Variants in CSMD1 observed in about 807,000 individuals in gnomAD.
CSMD1 encodes the protein CUB and sushi domain-containing protein 1.
Under a neutral mutation model 417.5 loss-of-function variants are expected in CSMD1, and 213 were observed. The observed-to-expected ratio is 0.51, with a 90% confidence interval of 0.46 to 0.57. The LOEUF is 0.57. Among genes scored for constraint, CSMD1 ranks in the 20% least tolerant of loss-of-function variants. The probability of loss-of-function intolerance (pLI) is 0.00; values close to 1 mark genes in which losing one functional copy is unlikely to be tolerated. For synonymous variants in CSMD1, 2,862 were observed against 1,736.8 expected (o/e 1.65, Z -16.11); for missense variants, 6,923 against 4,529.7 (o/e 1.53, Z -15.17).
chr8:4,541,365 A>G (rs898525995), intron 2 of CSMD1, among the ~76,000 whole-genome samples: 15 of 152,178 alleles, frequency 9.9e-5, no homozygotes, highest in Admixed American at 2.0e-4. Context: ...TTAATGTGTT[A>G]AAGTGTTTTT....
chr8:2,978,908 GACA>G, intron 54 of CSMD1, 108 bp from the exon 55 acceptor site: 1 of 935,616 alleles, frequency 1.1e-6, no homozygotes, highest in Non-Finnish European at 1.5e-6. Flanking sequence ...TTCAAAAACT[GACA>G]ACATGATGGC....
rs147773493 is a variant in CSMD1 at position 3,729,573 on chromosome 8, T to C, written c.932-21082A>G. 2.8e-3 allele frequency among the ~76,000 whole-genome samples: 424 copies of C among 152,228 alleles called. 2 individuals carry two copies. Among genetic ancestry groups the C allele is most frequent in the African/African-American group, 9.4e-3 (390 of 41,522 alleles). The stretch of plus-strand genomic sequence containing the variant: ...CAATGTCCAGAAGGTATCGGGTCAG[T>C]AAGACTTCATGACAACCTGCTGGAA... On this transcript the variant is annotated intron_variant, in intron 6 of 69. Coordinates refer to ENST00000635120, the MANE Select transcript of CSMD1 (RefSeq NM_033225.6).
intron 1 of CSMD1, among the ~76,000 whole-genome samples, chr8:4,923,521 T>A (rs1206597539): frequency 7.4e-6 from 1 of 135,106 alleles, no homozygotes; most frequent in Non-Finnish European, 1.7e-5. Flanking sequence ...AACACACATA[T>A]ATATTCATAT....
At chr8:4,653,847 C>G (rs1804058707) in intron 1 of CSMD1, among the ~76,000 whole-genome samples, 1 of 152,072 alleles carries the variant, frequency 6.6e-6, no homozygotes, top group Admixed American at 6.5e-5. Context: ...TTTTAGGATT[C>G]TGAAGAAGAC....
chr8:4,242,062 A>C (rs897531380), intron 3 of CSMD1, among the ~76,000 whole-genome samples: 4 of 152,212 alleles, frequency 2.6e-5, no homozygotes, highest in African/African-American at 9.7e-5. Flanking sequence ...AAAAGGGTAA[A>C]TTAACCTTTA....
intron 5 of CSMD1, among the ~76,000 whole-genome samples, chr8:3,961,683 C>T (rs893513993): frequency 6.6e-6 from 1 of 152,146 alleles, no homozygotes; most frequent in African/African-American, 2.4e-5. Context: ...TGAAAGCAAA[C>T]TTCAAAAAAG....
At chr8:4,303,888 C>T (rs10109081) in intron 3 of CSMD1, among the ~76,000 whole-genome samples, 21,020 of 151,968 alleles carry the variant, frequency 0.14, 1,630 homozygotes, top group Non-Finnish European at 0.18. Context: ...AACTCCTGAC[C>T]TTGTGATCTG....
chr8:3,967,765 A>G (rs1363038318), intron 5 of CSMD1, among the ~76,000 whole-genome samples: 1 of 152,168 alleles, frequency 6.6e-6, no homozygotes, highest in South Asian at 2.1e-4. Context: ...ATTTAATATT[A>G]CGTGTGAACT....
chr8:4,251,505 T>C (rs531263640), intron 3 of CSMD1, among the ~76,000 whole-genome samples: 7 of 152,244 alleles, frequency 4.6e-5, no homozygotes, highest in South Asian at 2.1e-4. Flanking sequence ...AAGGACAAGA[T>C]AGTTATATCA....
chr8:3,695,682 T>C (rs560322535), intron 7 of CSMD1, among the ~76,000 whole-genome samples: 1 of 152,166 alleles, frequency 6.6e-6, no homozygotes, highest in African/African-American at 2.4e-5. Flanking sequence ...AGAAAGATTC[T>C]AGCAAATTGT....
chr8:3,168,248 C>CGTAAGTG (rs1820356565), intron 37 of CSMD1, among the ~76,000 whole-genome samples: 1 of 152,050 alleles, frequency 6.6e-6, no homozygotes, highest in East Asian at 1.9e-4. Flanking sequence ...CTATGTGGAA[C>CGTAAGTG]GTAAGTGGTT....
rs150093669 is a variant in CSMD1, at chr8:4,170,359, G to T, written c.416-138260C>A. Among the ~76,000 whole-genome samples the T allele has an allele frequency of 1.2e-3, 177 of 151,824 alleles. 2 individuals carry two copies. The highest frequency in any genetic ancestry group is 4.2e-3 in the African/African-American group (172 of 41,180). On this transcript the variant is annotated intron_variant, in intron 3 of 69. Transcript: ENST00000635120. The stretch of plus-strand genomic sequence containing the variant: ...TCATTTCATGCAGTTCCGTATATTC[G>T]GATAATTTATGAAAAATTGAATTCA...
chr8:3,745,420 G>T (rs1345015258), intron 6 of CSMD1, among the ~76,000 whole-genome samples: 1 of 152,194 alleles, frequency 6.6e-6, no homozygotes, highest in Non-Finnish European at 1.5e-5. Context: ...CTCTGACAAA[G>T]AAAGGTCTTA....
chr8:3,397,072 A>G lies in CSMD1; in HGVS notation c.2406-691T>C, dbSNP rs192758716. ...AGCCTGAGATTTTATATATATATAT[A>G]AAGTTGCAGCCACTTGGCTCCCCTG... On this transcript the variant is annotated intron_variant, in intron 16 of 69. Coordinates refer to ENST00000635120, the MANE Select transcript of CSMD1 (RefSeq NM_033225.6). 9.2e-4 allele frequency among the ~76,000 whole-genome samples: 140 copies of G among 152,246 alleles called. 3 individuals carry two copies. The highest frequency in any genetic ancestry group is 8.8e-3 in the Admixed American group (134 of 15,286).
At chr8:3,261,623 A>C (rs1304842508) in intron 26 of CSMD1, among the ~76,000 whole-genome samples, 1 of 152,172 alleles carries the variant, frequency 6.6e-6, no homozygotes, top group African/African-American at 2.4e-5. Flanking sequence ...TGAGTGATTA[A>C]ACCAACTGCT....
intron 10 of CSMD1, among the ~76,000 whole-genome samples, chr8:3,503,083 C>T (rs899238384): frequency 2.0e-5 from 3 of 152,266 alleles, no homozygotes; most frequent in Admixed American, 1.3e-4. Context: ...AAAAATTACA[C>T]ATATAAGCTT....
intron 7 of CSMD1, among the ~76,000 whole-genome samples, chr8:3,684,667 C>G (rs529453367): frequency 7.0e-4 from 106 of 150,644 alleles, no homozygotes; most frequent in African/African-American, 2.4e-3. Context: ...GCGCTATCTC[C>G]GCTCACTGCT....
rs1563064092 is a variant in CSMD1 at position 3,772,379 on chromosome 8, T to TTATATATACATATGTA, written c.819-18338_819-18337insTACATATGTATATATA. On this transcript the variant is annotated intron_variant, in intron 5 of 69. Transcript: ENST00000635120. Reference sequence around the variant, plus strand: ...TTTATATATACATATATACATATATTCATATATTTATATATACACATATAT... The same window carrying TTATATATACATATGTA: ...TTTATATATACATATATACATATATTTATATATACATATGTACATATATTTATATATACACATATAT... 2.4e-3 allele frequency among the ~76,000 whole-genome samples: 38 copies of TTATATATACATATGTA among 16,056 alleles called. 3 individuals carry two copies. Among genetic ancestry groups the TTATATATACATATGTA allele is most frequent in the Non-Finnish European group, 3.7e-3 (25 of 6,802 alleles). The allele number at this position is 16,056 out of a possible 152,430, so 10.5% of individuals were successfully genotyped here.
intron 10 of CSMD1, among the ~76,000 whole-genome samples, chr8:3,558,437 CT>C (rs1585364047): frequency 1.1e-4 from 16 of 150,340 alleles, no homozygotes; most frequent in East Asian, 4.0e-4. Context: ...CCCGTGTCCA[CT>C]CCTGCAATGA....
Sources: gnomAD v4.1 joint callset for allele counts (sites outside exome capture counted in the v4.1 genomes callset) on GRCh38, gnomAD v4.1.1 for gene constraint, MANE v1.5 for transcripts, NCBI Gene and HGNC (gene_info 2026-07-23, HGNC 2026-07-21) for gene names.